The following PAN3 variants were observed in gnomAD, a reference collection of about 807,000 sequenced individuals.
PAN3 encodes PAN2-PAN3 deadenylation complex subunit PAN3.
A neutral mutation model predicts 96.2 loss-of-function variants in PAN3; 19 were observed. The ratio of observed to expected loss-of-function variants is 0.20; its 90% CI spans 0.14 to 0.29. The LOEUF is 0.29. Ranked by LOEUF, PAN3 falls within the 10% of genes least tolerant of loss-of-function variation. PAN3 has a pLI of 1.00. For synonymous variants in PAN3, 433 were observed against 406.6 expected (o/e 1.06, Z -0.78); for missense variants, 882 against 1,108.1 (o/e 0.80, Z 2.90).
intron 6 of PAN3, among the ~76,000 whole-genome samples, chr13:28,227,749 T>C (rs1882153695): frequency 6.6e-6 from 1 of 152,166 alleles, no homozygotes. Flanking sequence ...AAGGATAACA[T>C]TTGTACTAGA....
In PAN3 at chr13:28,292,762, C is replaced by T. The variant is rs1869912035; in HGVS notation, c.*240C>T. The T allele has an allele frequency of 6.2e-6, 2 of 320,606 alleles. No individual in the cohort carries two copies. The highest frequency in any genetic ancestry group is 2.1e-5 in the African/African-American group (1 of 46,796). The allele number at this position is 320,606 out of a possible 1,614,324, so 19.9% of individuals were successfully genotyped here. A position where few individuals can be genotyped will look rare whatever the true frequency, so the allele number is the denominator to read the frequency against. The stretch of plus-strand genomic sequence containing the variant: ...AGAATTTATTTTAGATTTAGGAGCA[C>T]CATCAGGTGAATGATGTTCCTGCTT... On this transcript the variant is annotated 3_prime_UTR_variant, in exon 19 of 19. Transcript: ENST00000380958.
In PAN3 at chr13:28,151,804, A is replaced by T. The variant is rs182947652; in HGVS notation, c.430+12717A>T. Among the ~76,000 whole-genome samples the T allele has an allele frequency of 2.6e-5, 4 of 152,286 alleles. No homozygotes were observed. In the East Asian group the frequency reaches 7.7e-4, roughly 29 times the overall value. On this transcript the variant is annotated intron_variant, in intron 1 of 18. Transcript: ENST00000380958. ...AGGCTGCAGACAGAGCAAATATGGG[A>T]GAGCAGATCAGGAGTTTGGTTTTGA...
intron 6 of PAN3, among the ~76,000 whole-genome samples, chr13:28,233,271 T>TC (rs1882767116): frequency 6.6e-6 from 1 of 151,224 alleles, no homozygotes; most frequent in African/African-American, 2.4e-5. Flanking sequence ...TATGACACTT[T>TC]TTTTTTTTTT....
rs1364587052 is a variant in PAN3, at chr13:28,267,151, C to G, written c.1630C>G (p.Gln544Glu). The G allele has an allele frequency of 2.5e-6, 4 of 1,612,702 alleles. No individual in the cohort carries two copies. Among genetic ancestry groups the G allele is most frequent in the Non-Finnish European group, 3.4e-6 (4 of 1,178,980 alleles). Reference protein sequence around the residue: ...MVLVDMWKKIQHSNIVTLREV... With the variant: ...MVLVDMWKKIEHSNIVTLREV... ...GTTGGTCGACATGTGGAAGAAAATT[C>G]AACACTCAAATATCGTAACTTTGCG... Residue 544 changes from glutamine (Q) to glutamate (E), a missense_variant, in exon 11 of 19, where the codon CAA becomes GAA. By Grantham distance (29) the Gln-to-Glu change is conservative. Coordinates refer to ENST00000380958, the MANE Select transcript of PAN3 (RefSeq NM_175854.8).
intron 5 of PAN3, among the ~76,000 whole-genome samples, chr13:28,209,607 T>TA: frequency 6.6e-6 from 1 of 152,196 alleles, no homozygotes; most frequent in Admixed American, 6.5e-5. Flanking sequence ...TTTTTTAAAA[T>TA]ACTATAATAA....
chr13:28,237,062 C>T (rs1240349416), intron 6 of PAN3, among the ~76,000 whole-genome samples: 1 of 151,954 alleles, frequency 6.6e-6, no homozygotes, highest in African/African-American at 2.4e-5. Context: ...TGTGGAGTTT[C>T]TTTTTATCTT....
rs549951830 is a variant in PAN3, at chr13:28,172,537, A to G, written c.431-1735A>G. Among the ~76,000 whole-genome samples, 16 of 152,308 alleles carry G rather than the reference A, an allele frequency of 1.1e-4. No homozygotes were observed. The East Asian group carries it at 2.3e-3, about 22-fold the overall frequency. On this transcript the variant is annotated intron_variant, in intron 1 of 18. Coordinates refer to ENST00000380958, the MANE Select transcript of PAN3 (RefSeq NM_175854.8). ...ATTTTAAACTTTGATAAAAGTAGAG[A>G]GGATAGTGTCATCCCTGTCACCCAG...
intron 5 of PAN3, among the ~76,000 whole-genome samples, chr13:28,201,298 C>A (rs1016599310): frequency 6.6e-6 from 1 of 151,906 alleles, no homozygotes; most frequent in Non-Finnish European, 1.5e-5. Context: ...CCTGCCTTGG[C>A]ACGCCAAAGT....
chr13:28,189,528 A>G (rs1876935400), intron 4 of PAN3, among the ~76,000 whole-genome samples: 1 of 139,654 alleles, frequency 7.2e-6, no homozygotes, highest in African/African-American at 2.7e-5. Flanking sequence ...AAACAAAAAA[A>G]CAAAACAAAA....
chr13:28,284,004 G>A (rs1010658558), intron 17 of PAN3, among the ~76,000 whole-genome samples: 9 of 152,094 alleles, frequency 5.9e-5, no homozygotes, highest in African/African-American at 2.2e-4. Flanking sequence ...GGTACTGTAG[G>A]GACTAACTTG....
intron 13 of PAN3, among the ~76,000 whole-genome samples, chr13:28,271,218 C>T (rs1426848077): frequency 6.6e-6 from 1 of 152,120 alleles, no homozygotes; most frequent in African/African-American, 2.4e-5. Context: ...CTTGCTGGGC[C>T]CTACCCCCAG....
At chr13:28,164,307 C>T (rs926519027) in intron 1 of PAN3, among the ~76,000 whole-genome samples, 1 of 152,132 alleles carries the variant, frequency 6.6e-6, no homozygotes, top group Non-Finnish European at 1.5e-5. Flanking sequence ...ATCTTATAAG[C>T]ATTTTGCCCA....
At chr13:28,254,454 C>T (rs1474141045) in intron 6 of PAN3, among the ~76,000 whole-genome samples, 22 of 152,098 alleles carry the variant, frequency 1.4e-4, no homozygotes, top group Admixed American at 1.4e-3. Context: ...AACAAATTTA[C>T]TCATCTTTGG....
intron 1 of PAN3, among the ~76,000 whole-genome samples, chr13:28,165,346 C>A (rs935118523): frequency 1.5e-5 from 2 of 130,082 alleles, no homozygotes; most frequent in Non-Finnish European, 3.1e-5. Context: ...GTCCTGGATT[C>A]CTGGGCTCAA....
At chr13:28,250,360 T>A (rs1403167497) in intron 6 of PAN3, among the ~76,000 whole-genome samples, 3 of 152,134 alleles carry the variant, frequency 2.0e-5, no homozygotes, top group Non-Finnish European at 4.4e-5. Flanking sequence ...GTCTGGTTTA[T>A]TTTAATTTAA....
At chr13:28,144,638 G>C (rs1186412887) in intron 1 of PAN3, among the ~76,000 whole-genome samples, 2 of 151,588 alleles carry the variant, frequency 1.3e-5, no homozygotes, top group African/African-American at 2.4e-5. Flanking sequence ...GTTCAGAGTG[G>C]TATGATCATA....
intron 4 of PAN3, among the ~76,000 whole-genome samples, chr13:28,182,575 G>A (rs1875937200): frequency 6.6e-6 from 1 of 152,082 alleles, no homozygotes; most frequent in Non-Finnish European, 1.5e-5. Flanking sequence ...GGGTTAGGAG[G>A]CAAAGACTTT....
chr13:28,273,164 T>C (rs915987030), intron 14 of PAN3, among the ~76,000 whole-genome samples: 4 of 152,252 alleles, frequency 2.6e-5, no homozygotes, highest in African/African-American at 9.6e-5. Flanking sequence ...TCTTATACTT[T>C]ATTAGTATTT....
chr13:28,292,548 A>G lies in PAN3; in HGVS notation c.*26A>G, dbSNP rs746877036. 9 of 1,594,664 alleles carry G rather than the reference A, an allele frequency of 5.6e-6. No homozygotes were observed. Among genetic ancestry groups the G allele is most frequent in the South Asian group, 2.3e-5 (2 of 86,946 alleles). On this transcript the variant is annotated 3_prime_UTR_variant, in exon 19 of 19. Coordinates refer to ENST00000380958, the MANE Select transcript of PAN3 (RefSeq NM_175854.8). Reference sequence around the variant, plus strand: ...TATTTGCTAAAAAAGCACGCAGGACATGGCTAAAGACCTTAACCAATAGCA... The same window carrying G: ...TATTTGCTAAAAAAGCACGCAGGACGTGGCTAAAGACCTTAACCAATAGCA...
Sources: gnomAD v4.1 joint callset for allele counts (sites outside exome capture counted in the v4.1 genomes callset) on GRCh38, gnomAD v4.1.1 for gene constraint, MANE v1.5 for transcripts, NCBI Gene and HGNC (gene_info 2026-07-23, HGNC 2026-07-21) for gene names.